The following MAP2K5 variants were observed in gnomAD, a reference collection of about 807,000 sequenced individuals.
The protein encoded by MAP2K5 is dual specificity mitogen-activated protein kinase kinase 5.
In MAP2K5, 49 loss-of-function variants were observed where a neutral mutation model predicts 83.1. The observed-to-expected ratio is 0.59, with a 90% CI of 0.47 to 0.75. MAP2K5 has a LOEUF of 0.75. Ranked by LOEUF, MAP2K5 falls within the 30% of genes least tolerant of loss-of-function variation. The pLI, the probability that MAP2K5 is intolerant of heterozygous loss-of-function variation, is 0.00. For missense variants in MAP2K5, 457 were observed against 557.5 expected, an observed-to-expected ratio of 0.82 and a Z score of 1.82; for synonymous variants, 202 against 191.8, an observed-to-expected ratio of 1.05 and a Z score of -0.44.
rs539459702 is a variant in MAP2K5 at position 67,777,671 on chromosome 15, G to A, written c.1242+4919G>A. Among the ~76,000 whole-genome samples, 36 of 152,310 alleles carry A rather than the reference G, an allele frequency of 2.4e-4. No individual in the cohort carries two copies. Among genetic ancestry groups the A allele is most frequent in the Admixed American group, 1.6e-3 (25 of 15,296 alleles). ...TCTGTTCTAGCTGTTCAGTGGCAGC[G>A]AGAATTTCAGAGAAACAAGCTGGCG... is the stretch of plus-strand genomic sequence containing the variant. On this transcript the variant is annotated intron_variant, in intron 21 of 21. Coordinates refer to ENST00000178640, the MANE Select transcript of MAP2K5 (RefSeq NM_145160.3). The surrounding 1 kb of genome is among the most constrained non-coding windows in gnomAD (Gnocchi z 6.0).
intron 6 of MAP2K5, among the ~76,000 whole-genome samples, chr15:67,589,762 GAA>G (rs2085357317): frequency 2.1e-5 from 3 of 142,474 alleles, no homozygotes; most frequent in African/African-American, 5.2e-5. Flanking sequence ...ATGTTTCCCA[GAA>G]AAAAATGTGT....
In MAP2K5 at chr15:67,711,141, C is replaced by T. The variant is rs2088682168; in HGVS notation, c.1044+7733C>T. 1.3e-5 allele frequency among the ~76,000 whole-genome samples: 2 copies of T among 152,232 alleles called. 1 individual carries two copies. The highest frequency in any genetic ancestry group is 4.1e-4 in the South Asian group (2 of 4,834). ...TCAAATATGATTCTCTCATAATCTT[C>T]TATGCTGTTTAGTACAATTCCATTG... is the stretch of plus-strand genomic sequence containing the variant. On this transcript the variant is annotated intron_variant, in intron 16 of 21. Transcript: ENST00000178640.
chr15:67,784,478 G>A (rs1053222442), intron 21 of MAP2K5, among the ~76,000 whole-genome samples: 3 of 152,166 alleles, frequency 2.0e-5, no homozygotes, highest in Non-Finnish European at 2.9e-5. Flanking sequence ...CCTCCCTATG[G>A]TCCCTTCCAC....
chr15:67,680,717 A>G (rs557875789), intron 13 of MAP2K5, among the ~76,000 whole-genome samples: 1 of 152,184 alleles, frequency 6.6e-6, no homozygotes, highest in African/African-American at 2.4e-5. Flanking sequence ...CCTATTATCT[A>G]CTTGGGCTGT....
chr15:67,591,531 G>A (rs1216897733), intron 6 of MAP2K5, among the ~76,000 whole-genome samples: 2 of 150,830 alleles, frequency 1.3e-5, no homozygotes, highest in Admixed American at 6.6e-5. Flanking sequence ...CACCACACCC[G>A]GCTAATTTTT....
At chr15:67,705,350 CA>C (rs2088524091) in intron 16 of MAP2K5, among the ~76,000 whole-genome samples, 1 of 151,990 alleles carries the variant, frequency 6.6e-6, no homozygotes, top group Non-Finnish European at 1.5e-5. Flanking sequence ...TTCCATTTGG[CA>C]AGGGCTGGGG....
intron 3 of MAP2K5, among the ~76,000 whole-genome samples, chr15:67,567,006 C>T (rs1390279490): frequency 6.6e-6 from 1 of 152,196 alleles, no homozygotes; most frequent in Non-Finnish European, 1.5e-5. Context: ...TCTGTTGTCA[C>T]ACATTAGTAC....
At chr15:67,546,316 A>G (rs983949492) in intron 1 of MAP2K5, 1 of 152,266 alleles carries the variant, frequency 6.6e-6, no homozygotes, top group African/African-American at 2.4e-5. Flanking sequence ...TCGAATGAAG[A>G]GGCATGAACC....
At position 67,650,383 on chromosome 15, in the gene MAP2K5, A is replaced by T. The variant is rs538387399; in HGVS notation, c.736+3914A>T. 1.6e-4 allele frequency among the ~76,000 whole-genome samples: 24 copies of T among 152,312 alleles called. No individual in the cohort carries two copies. In the South Asian group the frequency reaches 5.0e-3, roughly 32 times the overall value. On this transcript the variant is annotated intron_variant, in intron 11 of 21. Coordinates refer to ENST00000178640, the MANE Select transcript of MAP2K5 (RefSeq NM_145160.3). ...GTTGAATAGACTGATGAGAGCAGAC[A>T]TCCTTCTCTTGTTCCTGACCTTAGA...
At chr15:67,728,341 G>A (rs1051835923) in intron 17 of MAP2K5, among the ~76,000 whole-genome samples, 1 of 152,024 alleles carries the variant, frequency 6.6e-6, no homozygotes, top group African/African-American at 2.4e-5. Context: ...TCTAATCTAG[G>A]TCATTATTTT....
At chr15:67,706,438 G>A (rs996269800) in intron 16 of MAP2K5, among the ~76,000 whole-genome samples, 3 of 152,210 alleles carry the variant, frequency 2.0e-5, no homozygotes, top group Non-Finnish European at 4.4e-5. Flanking sequence ...TGTAAGGACT[G>A]TGTTGGCTCG....
At chr15:67,557,263 G>A (rs895761074) in intron 2 of MAP2K5, among the ~76,000 whole-genome samples, 1 of 152,188 alleles carries the variant, frequency 6.6e-6, no homozygotes, top group African/African-American at 2.4e-5. Context: ...ATGACTGTTG[G>A]ATTGGTGTTC....
At chr15:67,753,015 A>G (rs1382819665) in intron 19 of MAP2K5, among the ~76,000 whole-genome samples, 2 of 152,244 alleles carry the variant, frequency 1.3e-5, no homozygotes, top group Non-Finnish European at 2.9e-5. Flanking sequence ...TACGGAATAG[A>G]ATTCAAAGTC....
chr15:67,639,624 A>T (rs1223024970), intron 9 of MAP2K5, among the ~76,000 whole-genome samples: 1 of 152,208 alleles, frequency 6.6e-6, no homozygotes, highest in Admixed American at 6.5e-5. Context: ...TTCCCTCTCA[A>T]AAGTCTTCAG....
At chr15:67,568,474 C>T (rs1448002534) in intron 3 of MAP2K5, among the ~76,000 whole-genome samples, 1 of 152,078 alleles carries the variant, frequency 6.6e-6, no homozygotes, top group African/African-American at 2.4e-5. Context: ...CAAATAAGGA[C>T]ATTGAGGCCC....
chr15:67,723,022 T>C (rs2089000521), intron 16 of MAP2K5, among the ~76,000 whole-genome samples: 1 of 152,196 alleles, frequency 6.6e-6, no homozygotes, highest in Non-Finnish European at 1.5e-5. Flanking sequence ...AATTTAAAAC[T>C]ACTCCCACAA....
chr15:67,609,049 C>A (rs1356012737), intron 8 of MAP2K5, among the ~76,000 whole-genome samples: 1 of 152,160 alleles, frequency 6.6e-6, no homozygotes, highest in East Asian at 1.9e-4. Context: ...ACTCCTCTAC[C>A]TTAAGCAGAA....
chr15:67,546,507 G>T (rs184001755), intron 1 of MAP2K5: 3 of 810,640 alleles, frequency 3.7e-6, no homozygotes, highest in African/African-American at 3.7e-5. Flanking sequence ...GGGCAAGTCA[G>T]TCGGTCTCTC....
chr15:67,769,584 G>A lies in MAP2K5; in HGVS notation c.1135-18G>A, dbSNP rs1246967951. 2.5e-6 allele frequency: 4 copies of A among 1,613,216 alleles called. No individual in the cohort carries two copies. Among genetic ancestry groups the A allele is most frequent in the Admixed American group, 1.7e-5 (1 of 59,984 alleles). ...GAACTGTTGTGACTTTTGGTGACAT[G>A]TTTTTCCTCCATCACAGGATTCGCC... On this transcript the variant is annotated intron_variant, in intron 19 of 21. Coordinates refer to ENST00000178640, the MANE Select transcript of MAP2K5 (RefSeq NM_145160.3). This position sits in a 1 kb window ranked among gnomAD's most constrained non-coding sequence, Gnocchi z 5.2.
Sources: allele counts gnomAD v4.1 joint callset (sites outside exome capture counted in the v4.1 genomes callset), GRCh38; gene constraint gnomAD v4.1.1; non-coding constraint Gnocchi (gnomAD v3.1); transcripts MANE v1.5; gene names NCBI Gene and HGNC (gene_info 2026-07-23, HGNC 2026-07-21).